ABI3BP: variants seen among roughly 807,000 people sequenced by gnomAD.
The protein encoded by ABI3BP is ABI family member 3 binding protein.
A neutral mutation model predicts 268.6 loss-of-function variants in ABI3BP; 216 were observed. The observed-to-expected ratio is 0.80, with a 90% confidence interval of 0.72 to 0.90. The LOEUF is 0.90. Ranked by LOEUF, ABI3BP falls within the 40% of genes least tolerant of loss-of-function variation. The pLI is 0.00. For missense variants in ABI3BP, 2,090 were observed against 2,182.4 expected, an observed-to-expected ratio of 0.96 and a Z score of 0.84; for synonymous variants, 730 against 730.0, an observed-to-expected ratio of 1.00 and a Z score of 0.00.
rs541159520 is a variant in ABI3BP at position 100,808,181 on chromosome 3, C to T, written c.3662G>A (p.Arg1221Lys). ...PPKPKTSPRPRIPQTQPVPKV... is the reference protein window; with the variant it reads ...PPKPKTSPRPKIPQTQPVPKV... Reference sequence around the variant, plus strand: ...TTTACCTGGTTGTGTTTGTGGGATTCTTGGGCGTGGTGATGTTTTTGGCTT... The same window carrying T: ...TTTACCTGGTTGTGTTTGTGGGATTTTTGGGCGTGGTGATGTTTTTGGCTT... The change falls in exon 50 of 68, where the codon AGA (arginine) becomes AAA (lysine). Residue 1221 changes from arginine to lysine, a missense_variant. Transcript: ENST00000471714. The T allele has an allele frequency of 1.4e-5, 23 of 1,611,366 alleles. No homozygotes were observed. The South Asian group carries it at 2.2e-4, about 15-fold the overall frequency.
At chr3:100,950,435 C>A (rs761607421) in intron 1 of ABI3BP, among the ~76,000 whole-genome samples, 64 of 152,102 alleles carry the variant, frequency 4.2e-4, no homozygotes, top group Admixed American at 1.9e-3. Context: ...GACCCGCATG[C>A]AGAGGTAATT....
intron 27 of ABI3BP, 100 bp from the exon 28 acceptor site, chr3:100,835,760 C>T (rs1389735061): frequency 4.3e-6 from 4 of 938,594 alleles, no homozygotes; most frequent in African/African-American, 3.4e-5. Context: ...GTTTTAAATA[C>T]ATTTCTGAAC....
At chr3:100,770,635 C>G (rs1309869810) in intron 62 of ABI3BP, 108 bp downstream of exon 62, 1 of 1,092,152 alleles carries the variant, frequency 9.2e-7, no homozygotes. Context: ...AGTTTTGTCT[C>G]CTCCCCAGGT....
rs1030426800 is a variant in ABI3BP at position 100,863,767 on chromosome 3, A to G, written c.1138+235T>C. On this transcript the variant is annotated intron_variant, in intron 12 of 67. Coordinates refer to ENST00000471714, the MANE Select transcript of ABI3BP (RefSeq NM_001375547.2). Reference sequence around the variant, plus strand: ...AAATGATCAATTTGTTCAGTGACATATTGATTCTGAATTAAAAGAATCAAA... The same window carrying G: ...AAATGATCAATTTGTTCAGTGACATGTTGATTCTGAATTAAAAGAATCAAA... 223 of 482,786 alleles carry G rather than the reference A, an allele frequency of 4.6e-4. 1 individual carries two copies. Among genetic ancestry groups the G allele is most frequent in the Non-Finnish European group, 6.1e-4 (165 of 270,896 alleles). 29.9% of individuals were successfully genotyped at this position (482,786 alleles called of 1,614,324 possible). A position where few individuals can be genotyped will look rare whatever the true frequency, so the allele number is the denominator to read the frequency against.
At chr3:100,893,221 G>A (rs1409596429) in intron 4 of ABI3BP, among the ~76,000 whole-genome samples, 1 of 152,076 alleles carries the variant, frequency 6.6e-6, no homozygotes, top group Non-Finnish European at 1.5e-5. Flanking sequence ...GGTTTGCCAG[G>A]GGCTCTTGGG....
chr3:100,902,390 T>C (rs749631691), intron 3 of ABI3BP, among the ~76,000 whole-genome samples: 1 of 152,150 alleles, frequency 6.6e-6, no homozygotes, highest in Non-Finnish European at 1.5e-5. Flanking sequence ...CAATAACTTA[T>C]GTAATTCCCT....
intron 6 of ABI3BP, among the ~76,000 whole-genome samples, chr3:100,877,908 T>G (rs68184622): frequency 6.6e-6 from 1 of 151,942 alleles, no homozygotes; most frequent in Non-Finnish European, 1.5e-5. Flanking sequence ...TTTTAATAAG[T>G]GATATCCCTC....
chr3:100,894,722 G>C (rs1260099812), intron 4 of ABI3BP, among the ~76,000 whole-genome samples: 1 of 151,768 alleles, frequency 6.6e-6, no homozygotes, highest in Non-Finnish European at 1.5e-5. Flanking sequence ...GGCAGATCAC[G>C]AGGTCAGGAG....
chr3:100,891,144 G>A (rs1480660050), intron 4 of ABI3BP, among the ~76,000 whole-genome samples: 1 of 152,046 alleles, frequency 6.6e-6, no homozygotes, highest in Non-Finnish European at 1.5e-5. Flanking sequence ...TCAACAGTAG[G>A]ATCATGATAA....
intron 15 of ABI3BP, among the ~76,000 whole-genome samples, chr3:100,851,386 T>C (rs1265807731): frequency 1.3e-5 from 2 of 152,208 alleles, no homozygotes; most frequent in African/African-American, 4.8e-5. Flanking sequence ...TAATCTGTGC[T>C]GTGGGAGGCT....
intron 67 of ABI3BP, among the ~76,000 whole-genome samples, chr3:100,750,978 A>G (rs1285226275): frequency 1.3e-5 from 2 of 152,146 alleles, no homozygotes; most frequent in Non-Finnish European, 2.9e-5. Flanking sequence ...TATTTAGAGA[A>G]CCTCCAGGTG....
intron 1 of ABI3BP, among the ~76,000 whole-genome samples, chr3:100,938,393 C>T (rs2067256635): frequency 6.6e-6 from 1 of 151,896 alleles, no homozygotes; most frequent in Admixed American, 6.6e-5. Flanking sequence ...ATAGCATGGG[C>T]TTTCTGTTCA....
chr3:100,764,070 T>G (rs917663095), intron 63 of ABI3BP, among the ~76,000 whole-genome samples: 2 of 152,154 alleles, frequency 1.3e-5, no homozygotes, highest in African/African-American at 2.4e-5. Flanking sequence ...CATGCTGAGG[T>G]AAAAATAGCC....
In ABI3BP at chr3:100,837,171, A is replaced by C. The variant is rs1412282966; in HGVS notation, c.2084T>G (p.Val695Gly). 1 of 1,533,368 alleles carries C rather than the reference A, an allele frequency of 6.5e-7. No individual in the cohort carries two copies. The highest frequency in any genetic ancestry group is 8.7e-7 in the Non-Finnish European group (1 of 1,145,588). 95.0% of individuals were successfully genotyped at this position (1,533,368 alleles called of 1,614,324 possible). The change falls in exon 27 of 68, where the codon GTC (valine) becomes GGC (glycine). Residue 695 changes from valine to glycine, a missense_variant and splice_region_variant. Coordinates refer to ENST00000471714, the MANE Select transcript of ABI3BP (RefSeq NM_001375547.2). ...AEPDMPPTKSVSEPVPFETEA... is the reference protein window; with the variant it reads ...AEPDMPPTKSGSEPVPFETEA... ...AGTTTCAAATGGAACAGGCTCAGAG[A>C]CTGCATCATAAAAAATAAACAGATA...
chr3:100,824,879 G>A lies in ABI3BP; in HGVS notation c.2725C>T (p.Gln909Ter), dbSNP rs888905034. The A allele has an allele frequency of 1.3e-6, 2 of 1,536,006 alleles. No homozygotes were observed. Among genetic ancestry groups the A allele is most frequent in the Non-Finnish European group, 1.7e-6 (2 of 1,146,702 alleles). Reference sequence around the variant, plus strand: ...TTACCAGGTTTGGTCTCAGGTGCCTGAGGGCTCGGTGTAGTTTTAGGTCTG... The same window carrying A: ...TTACCAGGTTTGGTCTCAGGTGCCTAAGGGCTCGGTGTAGTTTTAGGTCTG... ...RPRPKTTPSPQAPETKPVPAT... is the reference protein window; with the variant it reads ...RPRPKTTPSP Residue 909 changes from glutamine (Q) to a stop codon, truncating the protein, a stop_gained, in exon 36 of 68, where the codon CAG becomes TAG. Coordinates refer to ENST00000471714, the MANE Select transcript of ABI3BP (RefSeq NM_001375547.2). LOFTEE classifies it high-confidence loss of function.
intron 48 of ABI3BP, 70 bp downstream of exon 48, chr3:100,811,160 C>A: frequency 7.6e-7 from 1 of 1,310,408 alleles, no homozygotes; most frequent in Non-Finnish European, 1.0e-6. Context: ...TGAGAGAGAC[C>A]CAGAGGTTCT....
chr3:100,982,567 C>T (rs146061487), intron 1 of ABI3BP, among the ~76,000 whole-genome samples: 2 of 152,022 alleles, frequency 1.3e-5, no homozygotes, highest in East Asian at 1.9e-4. Context: ...CTCGGGCTCA[C>T]GTGGACTCCT....
intron 20 of ABI3BP, chr3:100,844,535 G>C: frequency 2.4e-6 from 2 of 828,018 alleles, no homozygotes; most frequent in East Asian, 2.5e-4. Context: ...GCTGGGAAAG[G>C]CCTCAAAAAG....
chr3:100,816,241 G>A (rs1429878114), intron 43 of ABI3BP: 6 of 475,942 alleles, frequency 1.3e-5, no homozygotes, highest in Non-Finnish European at 2.2e-5. Flanking sequence ...TAACTAGTAT[G>A]GATATTTGGC....
Sources: gnomAD v4.1 joint callset for allele counts (sites outside exome capture counted in the v4.1 genomes callset) on GRCh38, gnomAD v4.1.1 for gene constraint, MANE v1.5 for transcripts, NCBI Gene and HGNC (gene_info 2026-07-23, HGNC 2026-07-21) for gene names.